The following ESYT1 variants were observed in gnomAD, a reference collection of about 807,000 sequenced individuals.
The protein encoded by ESYT1 is extended synaptotagmin-1.
Under a neutral mutation model 154.2 loss-of-function variants are expected in ESYT1, and 116 were observed. That is an observed-to-expected ratio of 0.75 (90% CI 0.65 to 0.88). The LOEUF is 0.88. Among genes scored for constraint, ESYT1 ranks in the 40% least tolerant of loss-of-function variants. The pLI is 0.00. For synonymous variants in ESYT1, 500 were observed against 539.9 expected (o/e 0.93, Z 1.02); for missense variants, 1,264 against 1,379.3 (o/e 0.92, Z 1.32).
At position 56,130,906 on chromosome 12, in the gene ESYT1, G is replaced by T. The variant is rs767078775; in HGVS notation, c.548G>T (p.Arg183Leu). The T allele has an allele frequency of 4.3e-6, 7 of 1,614,180 alleles. No individual in the cohort carries two copies. In the African/African-American group the frequency reaches 5.3e-5, roughly 12 times the overall value. The change falls in exon 3 of 31, where the codon CGA (arginine) becomes CTA (leucine). Residue 183 changes from arginine (R) to leucine (L), a missense_variant. By Grantham distance (102) the Arg-to-Leu change is moderately radical (BLOSUM62 -2). Transcript: ENST00000394048. ...CATCTGCAAACATTTACATTTACAC[G>T]AGTGGAACTGGGTGAAAAGGTATGT... ...NPHLQTFTFT[R>L]VELGEKPLRI...
rs1280375088 is a variant in ESYT1 at position 56,138,084 on chromosome 12, GA to G, written c.2247+12del. On this transcript the variant is annotated intron_variant, in intron 20 of 30. Coordinates refer to ENST00000394048, the MANE Select transcript of ESYT1 (RefSeq NM_015292.3). ...TGGCTTCCTTGATGAGGTGAGCATT[GA>G]ATTAGAGTCAACAACCCCTCCTGAT... 2 of 1,614,012 alleles carry G rather than the reference GA, an allele frequency of 1.2e-6. No individual in the cohort carries two copies. Among genetic ancestry groups the G allele is most frequent in the Non-Finnish European group, 1.7e-6 (2 of 1,179,982 alleles).
rs375717323 is a variant in ESYT1 at position 56,128,551 on chromosome 12, G to A, written c.232G>A (p.Val78Met). ...TTTGGCCGGGGCAGTGGGACTCAGC[G>A]TGGGTTTCGTGCTCTTCGGCCTCGC... ...VYLAGAVGLSVGFVLFGLALY... is the reference protein window; with the variant it reads ...VYLAGAVGLSMGFVLFGLALY... The change falls in exon 1 of 31, where the codon GTG becomes ATG. Residue 78 changes from valine (V) to methionine (M), a missense_variant. Coordinates refer to ENST00000394048, the MANE Select transcript of ESYT1 (RefSeq NM_015292.3). 4.3e-6 allele frequency: 7 copies of A among 1,613,464 alleles called. No homozygotes were observed. Among genetic ancestry groups the A allele is most frequent in the Middle Eastern group, 3.3e-4 (2 of 6,052 alleles).
At chr12:56,129,006 C>T (rs1407240413) in intron 1 of ESYT1, among the ~76,000 whole-genome samples, 1 of 152,132 alleles carries the variant, frequency 6.6e-6, no homozygotes, top group Non-Finnish European at 1.5e-5. Context: ...TCAGCCGAAG[C>T]TCTCCCTCCT....
In ESYT1 at chr12:56,142,540, A is replaced by G. The variant is rs745387153; in HGVS notation, c.2734-38A>G. On this transcript the variant is annotated intron_variant, in intron 25 of 30. Transcript: ENST00000394048. The surrounding 1 kb of genome is among the most constrained non-coding windows in gnomAD (Gnocchi z 4.1). ...CCGTGTCCTTAGAGTGAGGGAACTG[A>G]GAGAACTCTGCCCAGCTCACAGCTT... 3.7e-6 allele frequency: 6 copies of G among 1,613,828 alleles called. No individual in the cohort carries two copies. Among genetic ancestry groups the G allele is most frequent in the Non-Finnish European group, 5.1e-6 (6 of 1,179,852 alleles).
chr12:56,134,002 G>C, intron 13 of ESYT1, 108 bp from the exon 14 acceptor site: 1 of 1,540,844 alleles, frequency 6.5e-7, no homozygotes, highest in African/African-American at 1.4e-5. Context: ...CCCAGGGAGG[G>C]GATCAGATCC....
intron 12 of ESYT1, 45 bp from the exon 13 acceptor site, chr12:56,133,736 A>C (rs749939149): frequency 1.2e-6 from 2 of 1,612,534 alleles, no homozygotes; most frequent in Admixed American, 3.3e-5. Context: ...AGTGTAGGGG[A>C]CTTGGAACGG....
At position 56,131,351 on chromosome 12, in the gene ESYT1, T is replaced by G. The variant is rs748714265; in HGVS notation, c.714+35T>G. 1.9e-6 allele frequency: 3 copies of G among 1,613,334 alleles called. No individual in the cohort carries two copies. The South Asian group carries it at 3.3e-5, about 18-fold the overall frequency. ...ATGTCAGGGGCCACATAATAGGGAA[T>G]GTTTGTCCTGCGTTTCATGGGATAT... is the stretch of plus-strand genomic sequence containing the variant. On this transcript the variant is annotated intron_variant, in intron 5 of 30. Transcript: ENST00000394048.
At position 56,142,838 on chromosome 12, in the gene ESYT1, C is replaced by T. The variant is rs140942698; in HGVS notation, c.2892C>T (p.Pro964=). The change falls in exon 27 of 31, where the codon CCC becomes CCT. Residue 964 remains proline, a synonymous_variant. Transcript: ENST00000394048. The surrounding 1 kb of genome is among the most constrained non-coding windows in gnomAD (Gnocchi z 4.1). The part of the protein sequence containing the change: ...LRQRLTHVDS[P]LEAPAGPLGQ... ...ACCTACTGATATTTCTCCACAGTCC[C>T]CTTGAGGCTCCAGCCGGGCCTCTGG... is the stretch of plus-strand genomic sequence containing the variant. 4.3e-6 allele frequency: 7 copies of T among 1,614,190 alleles called. No homozygotes were observed. The highest frequency in any genetic ancestry group is 5.9e-6 in the Non-Finnish European group (7 of 1,180,040).
At chr12:56,136,612 A>ATT in intron 15 of ESYT1, 132 bp from the exon 16 acceptor site, 18 of 432,816 alleles carry the variant, frequency 4.2e-5, no homozygotes, top group Non-Finnish European at 4.9e-5. Flanking sequence ...AAAAAAAAAG[A>ATT]TGGCCCTGAG....
At position 56,143,416 on chromosome 12, in the gene ESYT1, C is replaced by T. The variant is rs570116671; in HGVS notation, c.3225+83C>T. Reference sequence around the variant, plus strand: ...TATAGTCCCTGTGAGGAAGGAAGTACCCCACGTGATCCTTTAGAGGTGACT... The same window carrying T: ...TATAGTCCCTGTGAGGAAGGAAGTATCCCACGTGATCCTTTAGAGGTGACT... On this transcript the variant is annotated intron_variant, in intron 29 of 30. Transcript: ENST00000394048. 4.0e-6 allele frequency: 6 copies of T among 1,505,078 alleles called. No individual in the cohort carries two copies. In the Admixed American group the frequency reaches 8.5e-5, roughly 21 times the overall value. The allele number at this position is 1,505,078 out of a possible 1,614,324, so 93.2% of individuals were successfully genotyped here.
chr12:56,135,468 G>A (rs188553952), intron 15 of ESYT1, among the ~76,000 whole-genome samples: 21 of 151,452 alleles, frequency 1.4e-4, no homozygotes, highest in East Asian at 5.9e-4. Flanking sequence ...CACCGTGCCC[G>A]GCCCAACATT....
intron 22 of ESYT1, 52 bp from the exon 23 acceptor site, chr12:56,138,716 G>T (rs1870567799): frequency 2.6e-6 from 4 of 1,533,502 alleles, no homozygotes; most frequent in African/African-American, 2.7e-5. Flanking sequence ...TTGTGAGGGG[G>T]ATCTGCCTAA....
At chr12:56,136,698 C>T in intron 15 of ESYT1, 46 bp from the exon 16 acceptor site, 1 of 1,516,176 alleles carries the variant, frequency 6.6e-7, no homozygotes, top group Non-Finnish European at 8.9e-7. Context: ...GTATGCCTCC[C>T]TTTCCCCTAA....
At chr12:56,137,403 C>G in intron 17 of ESYT1, 30 bp downstream of exon 17, 2 of 1,613,588 alleles carry the variant, frequency 1.2e-6, no homozygotes, top group Non-Finnish European at 1.7e-6. Flanking sequence ...GGACTAGGGT[C>G]TGTTTGCCCC....
At position 56,142,753 on chromosome 12, in the gene ESYT1, G is replaced by A. The variant is rs905379220; in HGVS notation, c.2888+21G>A. ...GACAGGTAAAGGGCTGGGACAGGAA[G>A]GTGGGACGCAGTCAGAAATAAAAAG... is the stretch of plus-strand genomic sequence containing the variant. On this transcript the variant is annotated intron_variant, in intron 26 of 30. Coordinates refer to ENST00000394048, the MANE Select transcript of ESYT1 (RefSeq NM_015292.3). This position sits in a 1 kb window ranked among gnomAD's most constrained non-coding sequence, Gnocchi z 4.1. 6.2e-6 allele frequency: 10 copies of A among 1,613,242 alleles called. No homozygotes were observed. Among genetic ancestry groups the A allele is most frequent in the Non-Finnish European group, 7.6e-6 (9 of 1,179,806 alleles).
In ESYT1 at chr12:56,142,881, CTG is replaced by C; in HGVS notation, c.2938_2939del (p.Trp980ValfsTer4). ...GCCTCTGGGCCAGGTGAAACTGACT[CTG>C]TGGTACTACAGTGAAGAACGAAAGC... ...AGPLGQVKLTLWYYSEERKLV... is the reference protein window; with the variant it reads ...AGPLGQVKLTXWYYSEERKLV... On this transcript the variant is annotated frameshift_variant, in exon 27 of 31. Transcript: ENST00000394048. LOFTEE classifies it high-confidence loss of function. This position sits in a 1 kb window ranked among gnomAD's most constrained non-coding sequence, Gnocchi z 4.1. The C allele has an allele frequency of 1.9e-6, 3 of 1,614,248 alleles. No individual in the cohort carries two copies. The highest frequency in any genetic ancestry group is 2.2e-5 in the East Asian group (1 of 44,890).
Position 56,138,247 on chromosome 12 carries a change from G to A in ESYT1, c.2312G>A (p.Arg771His), listed in dbSNP as rs371820154. The change falls in exon 21 of 31, where the codon CGT becomes CAT. Residue 771 changes from arginine (R) to histidine (H), a missense_variant. Physicochemically the swap from Arg to His is conservative, Grantham distance 29. Transcript: ENST00000394048. ...LHLRLERLTPRPTAAELEEVL... is the reference protein window; with the variant it reads ...LHLRLERLTPHPTAAELEEVL... ...TTGCGCCTGGAGCGTCTCACCCCCC[G>A]TCCCACTGCTGCTGAGTTAGAGGAG... The A allele has an allele frequency of 6.2e-6, 10 of 1,614,052 alleles. No individual in the cohort carries two copies. The highest frequency in any genetic ancestry group is 5.0e-5 in the Admixed American group (3 of 60,002).
intron 15 of ESYT1, among the ~76,000 whole-genome samples, 174 bp downstream of exon 15, chr12:56,134,602 T>G (rs1474613946): frequency 1.5e-5 from 2 of 135,468 alleles, no homozygotes; most frequent in African/African-American, 6.0e-5. Context: ...CAGAATAATA[T>G]TTTTTTTTTT....
In ESYT1 at chr12:56,137,234, C is replaced by T; in HGVS notation, c.1799C>T (p.Ser600Leu). ...KLVMRILYLD[S>L]SEICFPTVPG... ...CCTTCCTAGATCCTGTACTTGGATT[C>T]ATCAGAAATATGCTTCCCCACGGTG... The change falls in exon 17 of 31, where the codon TCA becomes TTA. Residue 600 changes from serine to leucine, a missense_variant. Ser to Leu is a moderately radical substitution (Grantham distance 145). Coordinates refer to ENST00000394048, the MANE Select transcript of ESYT1 (RefSeq NM_015292.3). 1 of 1,614,154 alleles carries T rather than the reference C, an allele frequency of 6.2e-7. No homozygotes were observed. Among genetic ancestry groups the T allele is most frequent in the East Asian group, 2.2e-5 (1 of 44,888 alleles).
Sources: allele counts gnomAD v4.1 joint callset (sites outside exome capture counted in the v4.1 genomes callset), GRCh38; gene constraint gnomAD v4.1.1; non-coding constraint Gnocchi (gnomAD v3.1); transcripts MANE v1.5; gene names NCBI Gene and HGNC (gene_info 2026-07-23, HGNC 2026-07-21).